Variants in MUC4 observed in about 807,000 individuals in gnomAD.
MUC4 encodes mucin-4.
Under a neutral mutation model 257.9 loss-of-function variants are expected in MUC4, and 202 were observed. The observed-to-expected ratio is 0.78, with a 90% confidence interval of 0.70 to 0.88. The LOEUF (loss-of-function observed/expected upper bound fraction) is 0.88, where lower values mean the gene tolerates loss of function less well. MUC4 is among the 40% of genes least tolerant of loss of function. The pLI is 0.00. For missense variants in MUC4, 5,976 were observed against 6,513.7 expected (o/e 0.92, Z 2.84); for synonymous variants, 2,351 against 2,757.1 (o/e 0.85, Z 4.62).
chr3:195,779,781 A>C lies in MUC4; in HGVS notation c.11799T>G (p.His3933Gln), dbSNP rs62282469. Residue 3933 changes from histidine to glutamine, a missense_variant, in exon 2 of 25, where the codon CAT (histidine) becomes CAG (glutamine). By Grantham distance (24) the His-to-Gln change is conservative. This residue lies in a region of MUC4 where 293 missense variants were observed against 294.5 expected (regional missense o/e 1.00). Transcript: ENST00000463781. ...TGCTGGTGACAGGAAGAGGGGTGGC[A>C]TGTCCTGTGGATGCCGAGGAAACGT... ...VTDVSSASTG[H>Q]ATPLPVTSTS... 162 of 852,526 alleles carry C rather than the reference A, an allele frequency of 1.9e-4. 1 individual carries two copies. Among genetic ancestry groups the C allele is most frequent in the East Asian group, 1.6e-3 (21 of 13,442 alleles). 52.8% of individuals were successfully genotyped at this position (852,526 alleles called of 1,614,324 possible).
rs538146912 is a variant in MUC4, at chr3:195,799,225, G to C, written c.83-7728C>G. Among the ~76,000 whole-genome samples, 615 of 102,764 alleles carry C rather than the reference G, an allele frequency of 6.0e-3. 24 individuals carry two copies. The highest frequency in any genetic ancestry group is 0.054 in the Admixed American group (589 of 10,846). The allele number at this position is 102,764 out of a possible 152,430, so 67.4% of individuals were successfully genotyped here. On this transcript the variant is annotated intron_variant, in intron 1 of 24. Transcript: ENST00000463781. ...CTGTGTGTTGCTAGTATGTATGTGT[G>C]ACACTGTGTGTGTGTGTGTGTGTGT...
At chr3:195,791,636 C>G in intron 1 of MUC4, 139 bp from the exon 2 acceptor site, 1 of 643,354 alleles carries the variant, frequency 1.6e-6, no homozygotes, top group South Asian at 2.0e-5. Context: ...AGAATGAGAA[C>G]AAACTACTTT....
chr3:195,752,783 C>A (rs1378369832), intron 20 of MUC4, among the ~76,000 whole-genome samples: 1 of 152,216 alleles, frequency 6.6e-6, no homozygotes, highest in African/African-American at 2.4e-5. Context: ...ATGCTCCGGG[C>A]CTCCCCAGCG....
rs745563078 is a variant in MUC4, at chr3:195,764,992, C to T, written c.13924+5G>A. On this transcript the variant is annotated splice_donor_5th_base_variant and intron_variant, in intron 10 of 24. Coordinates refer to ENST00000463781, the MANE Select transcript of MUC4 (RefSeq NM_018406.7). The stretch of plus-strand genomic sequence containing the variant: ...AGGTGGGGTTGAGATCACGGACTCA[C>T]GCACCCAACTGCCAAGGACGCTGCA... 19 of 1,613,334 alleles carry T rather than the reference C, an allele frequency of 1.2e-5. No individual in the cohort carries two copies. Among genetic ancestry groups the T allele is most frequent in the Admixed American group, 3.3e-5 (2 of 59,984 alleles).
At position 195,747,376 on chromosome 3, in the gene MUC4, C is replaced by A. The variant is rs1305407754; in HGVS notation, c.16039G>T (p.Val5347Leu). The A allele has an allele frequency of 3.7e-6, 6 of 1,613,758 alleles. No individual in the cohort carries two copies. Among genetic ancestry groups the A allele is most frequent in the South Asian group, 2.2e-5 (2 of 91,042 alleles). Reference protein sequence around the residue: ...HLPSGPRCSCVSFSIYTAWGE... With the variant: ...HLPSGPRCSCLSFSIYTAWGE... ...CAGGCCGTGTAGATGGAGAAGGACA[C>A]ACAGCTGGTGACCAAGAGAGACAGA... is the stretch of plus-strand genomic sequence containing the variant. Residue 5347 changes from valine to leucine, a missense_variant, in exon 25 of 25, where the codon GTG becomes TTG. Around this residue, in one of 44 missense-constraint regions of MUC4, gnomAD observed 310 missense variants for 242.1 expected, o/e 1.28. Coordinates refer to ENST00000463781, the MANE Select transcript of MUC4 (RefSeq NM_018406.7).
chr3:195,768,966 C>T (rs59584624), intron 7 of MUC4, 56 bp downstream of exon 7: 11 of 1,571,820 alleles, frequency 7.0e-6, no homozygotes, highest in East Asian at 2.3e-5. Context: ...CAGCGAAAGC[C>T]GACTCTACAC....
At chr3:195,774,101 T>C in intron 4 of MUC4, 71 bp downstream of exon 4, 1 of 1,481,034 alleles carries the variant, frequency 6.8e-7, no homozygotes, top group Non-Finnish European at 9.0e-7. Flanking sequence ...TTCCTCTGGG[T>C]TCCGTCTCGA....
intron 1 of MUC4, among the ~76,000 whole-genome samples, chr3:195,791,884 G>C (rs3107763): frequency 6.6e-6 from 1 of 152,104 alleles, no homozygotes. Context: ...CAGGCAATGG[G>C]GAAAGGATTC....
chr3:195,779,312 ATG>A lies in MUC4; in HGVS notation c.12266_12267del (p.Ala4089ValfsTer20). The A allele has an allele frequency of 9.0e-7, 1 of 1,107,372 alleles. No individual in the cohort carries two copies. The highest frequency in any genetic ancestry group is 1.5e-5 in the South Asian group (1 of 68,498). 68.6% of individuals were successfully genotyped at this position (1,107,372 alleles called of 1,614,324 possible). A position where few individuals can be genotyped will look rare whatever the true frequency, so the allele number is the denominator to read the frequency against. ...STLPVTDASS[A>X]STGHATPLPL... ...GGAAGAGGGGTGGCGTGACCGGTGG[ATG>A]CTGAGGAAGCATCGGTGACAGGAAG... On this transcript the variant is annotated frameshift_variant, in exon 2 of 25. Transcript: ENST00000463781. LOFTEE classifies it high-confidence loss of function.
At chr3:195,764,759 T>C (rs1720053821) in intron 10 of MUC4, among the ~76,000 whole-genome samples, 1 of 151,908 alleles carries the variant, frequency 6.6e-6, no homozygotes, top group Admixed American at 6.6e-5. Context: ...CCTGGAGAAA[T>C]GGCCCCACTC....
rs752276289 is a variant in MUC4, at chr3:195,770,365, C to T, written c.13249G>A (p.Glu4417Lys). The T allele has an allele frequency of 7.4e-6, 12 of 1,613,622 alleles. No individual in the cohort carries two copies. Among genetic ancestry groups the T allele is most frequent in the Non-Finnish European group, 9.3e-6 (11 of 1,179,876 alleles). Residue 4417 changes from glutamate (E) to lysine (K), a missense_variant, in exon 6 of 25, where the codon GAG (glutamate) becomes AAG (lysine). Around this residue, in one of 44 missense-constraint regions of MUC4, gnomAD observed 996 missense variants for 1,137.3 expected, o/e 0.88. Transcript: ENST00000463781. ...GRGTTFYQEY[E>K]TFYGEHSLLV... Reference sequence around the variant, plus strand: ...AGGCTGTGTTCACCATAGAACGTCTCGTATTCCTAGGAAAGGAGGGCAGAT... The same window carrying T: ...AGGCTGTGTTCACCATAGAACGTCTTGTATTCCTAGGAAAGGAGGGCAGAT...
intron 1 of MUC4, among the ~76,000 whole-genome samples, chr3:195,794,109 A>AATAATAATAAT (rs1553888499): frequency 3.9e-3 from 480 of 122,868 alleles, no homozygotes; most frequent in Middle Eastern, 0.012. Flanking sequence ...ATAATAATAA[A>AATAATAATAAT]AATAGATATT....
In MUC4 at chr3:195,748,934, C is replaced by G. The variant is rs150901058; in HGVS notation, c.16002G>C (p.Gln5334His). 2.0e-5 allele frequency: 32 copies of G among 1,596,864 alleles called. No individual in the cohort carries two copies. The African/African-American group carries it at 4.0e-4, about 20-fold the overall frequency. Residue 5334 changes from glutamine (Q) to histidine (H), a missense_variant, in exon 24 of 25, where the codon CAG becomes CAC. Gln to His is a conservative substitution (Grantham distance 24, BLOSUM62 0). Transcript: ENST00000463781. ...CSRGYCDHGG[Q>H]CQHLPSGPRC... The stretch of plus-strand genomic sequence containing the variant: ...GGGGCCCACTGGGCAGGTGCTGGCA[C>G]TGGCCTCCATGGTCACAGTAGCCCC...
In MUC4 at chr3:195,788,325, G is replaced by C. The variant is rs1733139644; in HGVS notation, c.3255C>G (p.Asp1085Glu). ...TGTCAGTGACAGGAAGAGGGGTGGT[G>C]TCACCTGTGGATGCTGAGGAAAGGC... ...VTSLSSASTG[D>E]TTPLPVTDTS... The change falls in exon 2 of 25, where the codon GAC (aspartate) becomes GAG (glutamate). Residue 1085 changes from aspartate to glutamate, a missense_variant. Coordinates refer to ENST00000463781, the MANE Select transcript of MUC4 (RefSeq NM_018406.7). 6.5e-7 allele frequency: 1 copy of C among 1,547,928 alleles called. No homozygotes were observed. Among genetic ancestry groups the C allele is most frequent in the African/African-American group, 1.4e-5 (1 of 71,538 alleles).
intron 7 of MUC4, among the ~76,000 whole-genome samples, chr3:195,767,945 A>T (rs1436431113): frequency 2.1e-5 from 3 of 146,178 alleles, no homozygotes; most frequent in Admixed American, 2.0e-4. Flanking sequence ...CACTACCACC[A>T]CCACCACCAC....
chr3:195,807,243 C>T (rs1473609206), intron 1 of MUC4, among the ~76,000 whole-genome samples: 1 of 152,142 alleles, frequency 6.6e-6, no homozygotes, highest in East Asian at 1.9e-4. Flanking sequence ...CCGAGGCGAG[C>T]GGATCACCTG....
At chr3:195,753,261 C>G in intron 19 of MUC4, 31 bp from the exon 20 acceptor site, 1 of 1,606,636 alleles carries the variant, frequency 6.2e-7, no homozygotes, top group African/African-American at 1.3e-5. Flanking sequence ...TCAGCAGCAG[C>G]GCGCAGGGCA....
At position 195,780,317 on chromosome 3, in the gene MUC4, T is replaced by G. The variant is rs1361218844; in HGVS notation, c.11263A>C (p.Thr3755Pro). 3 of 1,526,328 alleles carry G rather than the reference T, an allele frequency of 2.0e-6. No individual in the cohort carries two copies. The highest frequency in any genetic ancestry group is 2.7e-6 in the Non-Finnish European group (3 of 1,130,244). The allele number at this position is 1,526,328 out of a possible 1,614,324, so 94.5% of individuals were successfully genotyped here. A position where few individuals can be genotyped will look rare whatever the true frequency, so the allele number is the denominator to read the frequency against. The change falls in exon 2 of 25, where the codon ACA (threonine) becomes CCA (proline). Residue 3755 changes from threonine to proline, a missense_variant. Coordinates refer to ENST00000463781, the MANE Select transcript of MUC4 (RefSeq NM_018406.7). ...LPVTSTSSAS[T>P]GHATPLLVTD... ...ACAAGAAGAGGGGTGGCGTGACCTGTGGATGCTGAGGAAGTGCTGGTGACA... is the reference window on the plus strand; with the variant it reads ...ACAAGAAGAGGGGTGGCGTGACCTGGGGATGCTGAGGAAGTGCTGGTGACA...
rs776981783 is a variant in MUC4 at position 195,765,309 on chromosome 3, G to A, written c.13759C>T (p.Gln4587Ter). ...TGGAATCGTAAGTCCCGTCGTCCCT[G>A]CTGCCAGGAACAAGGGCAGGAGACC... ...NQVSCPCSWQ[Q>*]GRRDLRFQPV... Residue 4587 changes from glutamine (Q) to a stop codon, truncating the protein, a stop_gained, in exon 9 of 25, where the codon CAG (glutamine) becomes TAG (stop). Transcript: ENST00000463781. LOFTEE classifies it high-confidence loss of function. The A allele has an allele frequency of 1.2e-6, 2 of 1,613,758 alleles. No homozygotes were observed. The highest frequency in any genetic ancestry group is 1.7e-6 in the Non-Finnish European group (2 of 1,179,944).
Sources: allele counts gnomAD v4.1 joint callset (sites outside exome capture counted in the v4.1 genomes callset), GRCh38; gene constraint gnomAD v4.1.1; regional missense constraint gnomAD v4.1.1; transcripts MANE v1.5; gene names NCBI Gene and HGNC (gene_info 2026-07-23, HGNC 2026-07-21).